The following GPC5 variants were observed in gnomAD, a reference collection of about 807,000 sequenced individuals.
GPC5 encodes glypican-5.
Under a neutral mutation model 53.9 loss-of-function variants are expected in GPC5, and 47 were observed. The observed-to-expected ratio is 0.87, with a 90% CI of 0.69 to 1.11. GPC5 has a LOEUF of 1.11. Ranked by LOEUF, GPC5 falls within the 50% of genes most tolerant of loss-of-function variation. The probability of loss-of-function intolerance (pLI) is 0.00; values close to 1 mark genes in which losing one functional copy is unlikely to be tolerated. For missense variants in GPC5, 748 were observed against 713.1 expected, an observed-to-expected ratio of 1.05 and a Z score of -0.56; for synonymous variants, 286 against 263.3, an observed-to-expected ratio of 1.09 and a Z score of -0.84.
chr13:91,781,150 G>A (rs1311213466), intron 5 of GPC5, among the ~76,000 whole-genome samples: 1 of 152,166 alleles, frequency 6.6e-6, no homozygotes, highest in East Asian at 1.9e-4. Context: ...CAGAGTGAAG[G>A]TTTCATTCCC....
At chr13:92,331,519 C>T (rs2043287887) in intron 7 of GPC5, among the ~76,000 whole-genome samples, 1 of 152,078 alleles carries the variant, frequency 6.6e-6, no homozygotes, top group Non-Finnish European at 1.5e-5. Context: ...ATAGCAGCGA[C>T]TGAGATATTT....
chr13:92,038,349 T>A (rs2040910852), intron 6 of GPC5, among the ~76,000 whole-genome samples: 1 of 15,608 alleles, frequency 6.4e-5, no homozygotes, highest in Non-Finnish European at 1.1e-4. Context: ...TGATCTATGC[T>A]AGATAGATAG....
chr13:92,704,468 C>T (rs142810462), intron 7 of GPC5, among the ~76,000 whole-genome samples: 1 of 151,884 alleles, frequency 6.6e-6, no homozygotes, highest in African/African-American at 2.4e-5. Flanking sequence ...TTTAGCCAAA[C>T]CCTTTTGAAG....
chr13:92,125,135 A>G (rs1488091008), intron 6 of GPC5, among the ~76,000 whole-genome samples: 2 of 152,198 alleles, frequency 1.3e-5, no homozygotes, highest in Non-Finnish European at 2.9e-5. Flanking sequence ...GGCCCATGTG[A>G]CAAGGAACCA....
rs78115718 is a variant in GPC5 at position 91,484,212 on chromosome 13, T to C, written c.325+35290T>C. Among the ~76,000 whole-genome samples, 11 of 152,316 alleles carry C rather than the reference T, an allele frequency of 7.2e-5. No homozygotes were observed. The East Asian group carries it at 2.1e-3, about 29-fold the overall frequency. On this transcript the variant is annotated intron_variant, in intron 2 of 7. Coordinates refer to ENST00000377067, the MANE Select transcript of GPC5 (RefSeq NM_004466.6). ...GCGAGGACTTTGACATCGTGAGAAA[T>C]GGTCTGATAAAGAAGGAACATCCCT...
At chr13:91,413,354 T>TAA (rs35283458) in intron 1 of GPC5, among the ~76,000 whole-genome samples, 8,441 of 146,264 alleles carry the variant, frequency 0.058, 318 homozygotes, top group Non-Finnish European at 0.085. Context: ...TGGCCCCACT[T>TAA]AAAAAAAAAA....
chr13:92,457,738 C>A (rs1878326497), intron 7 of GPC5, among the ~76,000 whole-genome samples: 1 of 152,110 alleles, frequency 6.6e-6, no homozygotes, highest in African/African-American at 2.4e-5. Flanking sequence ...GTTTTATTTA[C>A]ACACTTTTTA....
chr13:91,776,911 T>A (rs963957101), intron 5 of GPC5, among the ~76,000 whole-genome samples: 1 of 152,156 alleles, frequency 6.6e-6, no homozygotes, highest in African/African-American at 2.4e-5. Flanking sequence ...AATAATTAAA[T>A]CTCTCTCCAT....
At chr13:91,663,681 C>G (rs977316710) in intron 2 of GPC5, among the ~76,000 whole-genome samples, 1 of 151,892 alleles carries the variant, frequency 6.6e-6, no homozygotes. Flanking sequence ...CAAGGATGGT[C>G]TCTAACTCCT....
chr13:92,115,898 T>C (rs2041596707), intron 6 of GPC5, among the ~76,000 whole-genome samples: 1 of 151,744 alleles, frequency 6.6e-6, no homozygotes, highest in Admixed American at 6.6e-5. Context: ...GTGGTGGTAA[T>C]TAAGGTTAAA....
intron 5 of GPC5, among the ~76,000 whole-genome samples, chr13:91,819,193 A>G (rs1488501649): frequency 7.8e-5 from 9 of 114,874 alleles, no homozygotes; most frequent in African/African-American, 3.2e-4. Flanking sequence ...GGAGTCTCAC[A>G]CTCTCGCCTG....
At chr13:92,455,667 A>T (rs879908644) in intron 7 of GPC5, among the ~76,000 whole-genome samples, 15 of 152,332 alleles carry the variant, frequency 9.8e-5, no homozygotes, top group Non-Finnish European at 1.9e-4. Flanking sequence ...TCTTAAAAAA[A>T]CTATATAAAT....
chr13:92,627,400 T>G (rs1885082607), intron 7 of GPC5, among the ~76,000 whole-genome samples: 2 of 152,224 alleles, frequency 1.3e-5, no homozygotes, highest in African/African-American at 4.8e-5. Flanking sequence ...TTTACACAGC[T>G]TTTCATCATC....
intron 2 of GPC5, among the ~76,000 whole-genome samples, chr13:91,487,715 A>T (rs1195318683): frequency 6.6e-6 from 1 of 152,174 alleles, no homozygotes; most frequent in Non-Finnish European, 1.5e-5. Context: ...CTACATGATT[A>T]AAAAATCTAT....
At chr13:91,854,312 A>G (rs192648688) in intron 5 of GPC5, among the ~76,000 whole-genome samples, 3 of 152,006 alleles carry the variant, frequency 2.0e-5, no homozygotes, top group Admixed American at 6.6e-5. Flanking sequence ...ATATTTTGGT[A>G]TAAACATGAA....
chr13:92,692,655 A>G (rs1048720522), intron 7 of GPC5, among the ~76,000 whole-genome samples: 3 of 151,186 alleles, frequency 2.0e-5, no homozygotes, highest in Non-Finnish European at 2.9e-5. Flanking sequence ...CATTGTGCAC[A>G]TGTACCCTAA....
chr13:91,790,843 C>T lies in GPC5; in HGVS notation c.1280+34423C>T, dbSNP rs139317038. On this transcript the variant is annotated intron_variant, in intron 5 of 7. Transcript: ENST00000377067. ...CTATTCATTTCTTTTTTACACATTT[C>T]CTGTGATGAATGGCTGTGCTAACAA... 5.2e-3 allele frequency among the ~76,000 whole-genome samples: 789 copies of T among 152,216 alleles called. 22 individuals are homozygous for T. The East Asian group carries it at 0.079, about 15-fold the overall frequency.
At chr13:91,798,458 C>T (rs1399436947) in intron 5 of GPC5, among the ~76,000 whole-genome samples, 1 of 152,118 alleles carries the variant, frequency 6.6e-6, no homozygotes, top group Non-Finnish European at 1.5e-5. Flanking sequence ...TTTGTGTTCC[C>T]CCATTAGTTT....
chr13:91,925,864 T>C (rs1010275233), intron 6 of GPC5, among the ~76,000 whole-genome samples: 1 of 152,170 alleles, frequency 6.6e-6, no homozygotes, highest in African/African-American at 2.4e-5. Flanking sequence ...ACATTCCGAT[T>C]TGAGATGGAA....
Sources: gnomAD v4.1 joint callset for allele counts (sites outside exome capture counted in the v4.1 genomes callset) on GRCh38, gnomAD v4.1.1 for gene constraint, MANE v1.5 for transcripts, NCBI Gene and HGNC (gene_info 2026-07-23, HGNC 2026-07-21) for gene names.